The following SYT14 variants were observed in gnomAD, a reference collection of about 807,000 sequenced individuals.
The protein encoded by SYT14 is synaptotagmin 14.
A neutral mutation model predicts 74.2 loss-of-function variants in SYT14; 32 were observed. The observed-to-expected ratio is 0.43, with a 90% CI of 0.33 to 0.58. The LOEUF is 0.58. Ranked by LOEUF, SYT14 falls within the 20% of genes least tolerant of loss-of-function variation. The pLI, the probability that SYT14 is intolerant of heterozygous loss-of-function variation, is 0.05. For synonymous variants in SYT14, 298 were observed against 337.7 expected (o/e 0.88, Z 1.29); for missense variants, 791 against 981.8 (o/e 0.81, Z 2.60).
chr1:209,985,545 T>C (rs1339576920), intron 2 of SYT14, among the ~76,000 whole-genome samples: 2 of 152,240 alleles, frequency 1.3e-5, no homozygotes, highest in Non-Finnish European at 2.9e-5. Flanking sequence ...TGAAAGCTGC[T>C]GGTGGATCTG....
At chr1:209,963,469 G>A (rs1305625158) in intron 2 of SYT14, among the ~76,000 whole-genome samples, 5 of 152,094 alleles carry the variant, frequency 3.3e-5, no homozygotes, top group Non-Finnish European at 7.4e-5. Context: ...AGAGGAATGG[G>A]ATATATACTA....
chr1:210,148,153 T>G (rs1029888417), intron 7 of SYT14, among the ~76,000 whole-genome samples: 1 of 152,124 alleles, frequency 6.6e-6, no homozygotes, highest in Non-Finnish European at 1.5e-5. Flanking sequence ...TTGGAAATAC[T>G]TACGCACAAA....
chr1:209,946,006 T>A (rs1054526709), intron 1 of SYT14, among the ~76,000 whole-genome samples: 18 of 152,198 alleles, frequency 1.2e-4, no homozygotes, highest in African/African-American at 4.1e-4. Flanking sequence ...ATTGTTATAT[T>A]TGTTATGATG....
intron 5 of SYT14, among the ~76,000 whole-genome samples, chr1:210,080,003 A>G (rs1558175417): frequency 6.6e-6 from 1 of 152,234 alleles, no homozygotes; most frequent in Non-Finnish European, 1.5e-5. Context: ...AGTTGTCCTC[A>G]TAGTATTTTA....
intron 7 of SYT14, among the ~76,000 whole-genome samples, chr1:210,103,395 A>C (rs1441622014): frequency 6.6e-6 from 1 of 151,778 alleles, no homozygotes; most frequent in Non-Finnish European, 1.5e-5. Context: ...CTAAAAATAC[A>C]AAAAATTAGC....
exon 4 of SYT14, chr1:210,015,945 T>C: frequency 8.1e-7 from 1 of 1,231,266 alleles, no homozygotes; most frequent in Non-Finnish European, 1.0e-6. Context: ...CCAAAGTGGT[T>C]GATATTTTCA....
At chr1:210,089,565 T>G (rs1332466443) in intron 5 of SYT14, among the ~76,000 whole-genome samples, 1 of 152,248 alleles carries the variant, frequency 6.6e-6, no homozygotes, top group Non-Finnish European at 1.5e-5. Flanking sequence ...TTTTAATGAT[T>G]GATATCTTCA....
At chr1:209,943,234 G>A (rs1371951093) in intron 1 of SYT14, among the ~76,000 whole-genome samples, 2 of 152,074 alleles carry the variant, frequency 1.3e-5, no homozygotes, top group Admixed American at 6.6e-5. Flanking sequence ...TTGTTTTAAG[G>A]TTGTATTAGA....
intron 2 of SYT14, among the ~76,000 whole-genome samples, chr1:209,977,392 G>A (rs868032113): frequency 6.6e-6 from 1 of 152,172 alleles, no homozygotes; most frequent in Non-Finnish European, 1.5e-5. Flanking sequence ...CTCTTTTAGG[G>A]CAGGCCTGGT....
chr1:210,052,008 A>G (rs2081005793), intron 5 of SYT14, among the ~76,000 whole-genome samples: 1 of 152,060 alleles, frequency 6.6e-6, no homozygotes, highest in Non-Finnish European at 1.5e-5. Context: ...TTTTTTGCAT[A>G]TGTATAGTCA....
chr1:210,076,124 C>T (rs1366976118), intron 5 of SYT14, among the ~76,000 whole-genome samples: 1 of 152,048 alleles, frequency 6.6e-6, no homozygotes, highest in East Asian at 1.9e-4. Context: ...GCCATTTTCT[C>T]CACTTAGAAT....
At chr1:210,070,688 T>C (rs1034466279) in intron 5 of SYT14, among the ~76,000 whole-genome samples, 5 of 152,070 alleles carry the variant, frequency 3.3e-5, no homozygotes, top group African/African-American at 1.2e-4. Flanking sequence ...GAAAGACAGG[T>C]ACACTTGGAG....
chr1:209,981,450 C>CTTTTTTTTTTTTTTTTTTTTT (rs1183885685), intron 2 of SYT14, among the ~76,000 whole-genome samples: 1 of 99,050 alleles, frequency 1.0e-5, no homozygotes, highest in Non-Finnish European at 1.9e-5. Context: ...TTTTTCTTTT[C>CTTTTTTTTTTTTTTTTTTTTT]TTTTTTTTTT....
Position 210,138,064 on chromosome 1 carries a change from A to G in SYT14, c.2035-17657A>G, listed in dbSNP as rs17015643. ...TGTACTAAATTTTAATCTATTGGAA[A>G]TTGTTTACATGTTAACTCACTGTAT... On this transcript the variant is annotated intron_variant, in intron 7 of 9. Transcript: ENST00000637265. Among the ~76,000 whole-genome samples the G allele has an allele frequency of 7.9e-3, 1,201 of 152,322 alleles. 14 individuals are homozygous for G. The highest frequency in any genetic ancestry group is 0.027 in the African/African-American group (1,135 of 41,572).
At position 210,163,484 on chromosome 1, in the gene SYT14, A is replaced by G. The variant is rs1360375593; in HGVS notation, c.*2442A>G. 4 of 453,656 alleles carry G rather than the reference A, an allele frequency of 8.8e-6. No individual in the cohort carries two copies. In the Admixed American group the frequency reaches 9.4e-5, roughly 11 times the overall value. The allele number at this position is 453,656 out of a possible 1,614,324, so 28.1% of individuals were successfully genotyped here. A position where few individuals can be genotyped will look rare whatever the true frequency, so the allele number is the denominator to read the frequency against. Reference sequence around the variant, plus strand: ...TACACACATGCACCATTACACATACAACATAAATATGTATATGTATATTCA... The same window carrying G: ...TACACACATGCACCATTACACATACGACATAAATATGTATATGTATATTCA... On this transcript the variant is annotated 3_prime_UTR_variant, in exon 10 of 10. Transcript: ENST00000637265.
chr1:210,042,543 G>GT (rs1192944335), intron 5 of SYT14, among the ~76,000 whole-genome samples: 2 of 152,290 alleles, frequency 1.3e-5, no homozygotes, highest in East Asian at 3.9e-4. Flanking sequence ...TGTATAAGGT[G>GT]TAAGGAAGGG....
intron 5 of SYT14, among the ~76,000 whole-genome samples, chr1:210,035,951 G>A (rs542654482): frequency 1.6e-4 from 24 of 151,950 alleles, no homozygotes; most frequent in African/African-American, 5.3e-4. Flanking sequence ...AAACGATATT[G>A]TTATTTTGTT....
intron 5 of SYT14, among the ~76,000 whole-genome samples, chr1:210,066,077 T>G (rs1389370946): frequency 6.6e-6 from 1 of 151,428 alleles, no homozygotes; most frequent in African/African-American, 2.4e-5. Context: ...TATGGCTGCA[T>G]AGTATTCCAT....
chr1:210,151,550 T>C (rs2083164089), intron 7 of SYT14, among the ~76,000 whole-genome samples: 1 of 137,712 alleles, frequency 7.3e-6, no homozygotes, highest in Admixed American at 7.5e-5. Flanking sequence ...TCTGTTTACA[T>C]AGCTATTCTT....
Sources: allele counts gnomAD v4.1 joint callset (sites outside exome capture counted in the v4.1 genomes callset), GRCh38; gene constraint gnomAD v4.1.1; transcripts MANE v1.5; gene names NCBI Gene and HGNC (gene_info 2026-07-23, HGNC 2026-07-21).